Variants in GKAP1 observed in about 807,000 individuals in gnomAD.
GKAP1 encodes G kinase anchoring protein 1, also known as G kinase-anchoring protein 1.
In GKAP1, 31 loss-of-function variants were observed where a neutral mutation model predicts 56.7. The observed-to-expected ratio is 0.55, with a 90% CI of 0.41 to 0.74. The LOEUF is 0.74. Ranked by LOEUF, GKAP1 falls within the 30% of genes least tolerant of loss-of-function variation. GKAP1 has a pLI of 0.00. For synonymous variants in GKAP1, 151 were observed against 138.6 expected (o/e 1.09, Z -0.63); for missense variants, 364 against 402.3 (o/e 0.90, Z 0.82).
At chr9:83,743,839 CTA>C in intron 10 of GKAP1, among the ~76,000 whole-genome samples, 1 of 152,198 alleles carries the variant, frequency 6.6e-6, no homozygotes, top group East Asian at 1.9e-4. Flanking sequence ...TACTTTGGCC[CTA>C]TGTTTCCTAA....
intron 7 of GKAP1, among the ~76,000 whole-genome samples, chr9:83,775,819 G>A (rs1943849424): frequency 1.5e-5 from 2 of 133,124 alleles, no homozygotes; most frequent in African/African-American, 2.8e-5. Flanking sequence ...AGGTTGCAGT[G>A]AGCCAAGATC....
intron 8 of GKAP1, among the ~76,000 whole-genome samples, chr9:83,753,918 G>T (rs1012902315): frequency 7.9e-5 from 12 of 152,140 alleles, no homozygotes; most frequent in African/African-American, 2.7e-4. Context: ...AAGGCTACAG[G>T]TTACTTTGTA....
At chr9:83,786,433 C>T (rs1309730266) in intron 5 of GKAP1, among the ~76,000 whole-genome samples, 4 of 151,496 alleles carry the variant, frequency 2.6e-5, no homozygotes, top group African/African-American at 7.3e-5. Context: ...CCCAGCTACT[C>T]GGGAGGCTGA....
At chr9:83,754,139 AAG>A (rs552863189) in intron 8 of GKAP1, among the ~76,000 whole-genome samples, 734 of 152,310 alleles carry the variant, frequency 4.8e-3, no homozygotes, top group Middle Eastern at 0.017. Context: ...GAAATCCAGA[AAG>A]AGACTTCAGA....
At chr9:83,809,957 G>A (rs1046292591) in intron 2 of GKAP1, among the ~76,000 whole-genome samples, 1 of 152,126 alleles carries the variant, frequency 6.6e-6, no homozygotes, top group Non-Finnish European at 1.5e-5. Flanking sequence ...AAAAGTGTGT[G>A]CCACCATGCC....
intron 12 of GKAP1, among the ~76,000 whole-genome samples, chr9:83,741,611 C>A (rs181064683): frequency 1.5e-3 from 233 of 152,152 alleles, no homozygotes; most frequent in Non-Finnish European, 3.0e-3. Context: ...TATATATTTA[C>A]AATGGAGATA....
At chr9:83,816,031 CAAAAAAAAA>C (rs72114457) in intron 2 of GKAP1, among the ~76,000 whole-genome samples, 5 of 91,438 alleles carry the variant, frequency 5.5e-5, no homozygotes, top group African/African-American at 1.5e-4. Flanking sequence ...ATTAAAAATA[CAAAAAAAAA>C]AAAAAAAAAA....
At chr9:83,816,761 C>G (rs1192193489) in intron 2 of GKAP1, among the ~76,000 whole-genome samples, 1 of 152,124 alleles carries the variant, frequency 6.6e-6, no homozygotes, top group African/African-American at 2.4e-5. Flanking sequence ...TGCATCTACT[C>G]TGAAAAATCT....
intron 8 of GKAP1, among the ~76,000 whole-genome samples, chr9:83,767,275 T>C (rs954084698): frequency 3.3e-5 from 5 of 152,152 alleles, no homozygotes; most frequent in African/African-American, 1.2e-4. Context: ...TAACACTGGT[T>C]TGTAGCAGAG....
intron 8 of GKAP1, among the ~76,000 whole-genome samples, chr9:83,753,651 T>C (rs973333183): frequency 6.6e-6 from 1 of 152,210 alleles, no homozygotes; most frequent in African/African-American, 2.4e-5. Context: ...AAGTTGTTGT[T>C]ATTAGTCTAT....
At chr9:83,747,516 G>C (rs1943314521) in intron 10 of GKAP1, among the ~76,000 whole-genome samples, 1 of 152,030 alleles carries the variant, frequency 6.6e-6, no homozygotes, top group Non-Finnish European at 1.5e-5. Flanking sequence ...TCTAAATATA[G>C]TTCAGTAAGT....
intron 8 of GKAP1, among the ~76,000 whole-genome samples, chr9:83,765,352 C>T (rs192082858): frequency 5.7e-4 from 87 of 152,344 alleles, no homozygotes; most frequent in Admixed American, 1.2e-3. Context: ...AGGTGTGCTA[C>T]AGGGGCAGAG....
intron 8 of GKAP1, among the ~76,000 whole-genome samples, chr9:83,762,291 A>C (rs990264194): frequency 1.3e-5 from 2 of 152,110 alleles, no homozygotes; most frequent in African/African-American, 4.8e-5. Flanking sequence ...AACAAAAGTA[A>C]TCCCATTTAC....
intron 5 of GKAP1, 149 bp downstream of exon 5, chr9:83,788,452 T>C (rs1396208394): frequency 1.9e-6 from 1 of 518,646 alleles, no homozygotes; most frequent in Non-Finnish European, 3.4e-6. Flanking sequence ...GGAATCCTAT[T>C]ATAAACACTT....
chr9:83,802,120 G>A (rs759603156), intron 3 of GKAP1, among the ~76,000 whole-genome samples: 2 of 152,170 alleles, frequency 1.3e-5, no homozygotes, highest in Non-Finnish European at 2.9e-5. Flanking sequence ...CATATTAAAT[G>A]TTGGGCATTT....
intron 4 of GKAP1, among the ~76,000 whole-genome samples, chr9:83,794,806 G>T (rs1944216954): frequency 6.6e-6 from 1 of 152,164 alleles, no homozygotes; most frequent in Non-Finnish European, 1.5e-5. Context: ...TTTATTCCTA[G>T]GCAACAGCTG....
chr9:83,766,954 G>A (rs1564195848), intron 8 of GKAP1, among the ~76,000 whole-genome samples: 1 of 152,196 alleles, frequency 6.6e-6, no homozygotes. Context: ...GGAAGTAAGG[G>A]TAAAGTGTTC....
chr9:83,762,906 G>A (rs1277558873), intron 8 of GKAP1, among the ~76,000 whole-genome samples: 4 of 152,046 alleles, frequency 2.6e-5, no homozygotes, highest in Admixed American at 1.3e-4. Context: ...AATAAAACTG[G>A]AGCTACCACA....
chr9:83,770,307 A>T (rs1252145055), intron 7 of GKAP1, among the ~76,000 whole-genome samples: 2 of 152,116 alleles, frequency 1.3e-5, no homozygotes, highest in Admixed American at 6.5e-5. Context: ...TAGTTCTGTG[A>T]TCCATTTTGA....
Sources: gnomAD v4.1 joint callset for allele counts (sites outside exome capture counted in the v4.1 genomes callset) on GRCh38, gnomAD v4.1.1 for gene constraint, MANE v1.5 for transcripts, NCBI Gene and HGNC (gene_info 2026-07-23, HGNC 2026-07-21) for gene names.